The following ARHGAP6 variants were observed in gnomAD, a reference collection of about 807,000 sequenced individuals.
ARHGAP6 encodes rho GTPase-activating protein 6.
ARHGAP6 carries 16 observed loss-of-function variants against 55.7 expected under a neutral mutation model. That is an observed-to-expected ratio of 0.29 (90% CI 0.19 to 0.44). The LOEUF is 0.44. Ranked by LOEUF, ARHGAP6 falls within the 20% of genes least tolerant of loss-of-function variation. ARHGAP6 has a pLI of 1.00. For synonymous variants in ARHGAP6, 382 were observed against 360.9 expected (o/e 1.06, Z -0.66); for missense variants, 698 against 808.9 (o/e 0.86, Z 1.66).
intron 3 of ARHGAP6, among the ~76,000 whole-genome samples, chrX:11,194,329 G>T (rs1465952549): frequency 8.9e-6 from 1 of 112,070 alleles, no homozygotes; most frequent in African/African-American, 3.2e-5. Context: ...GTGACAGAAT[G>T]TGGCCTGGTG....
chrX:11,633,941 C>T (rs2052388243), intron 1 of ARHGAP6, among the ~76,000 whole-genome samples: 1 of 111,449 alleles, frequency 9.0e-6, no homozygotes, highest in African/African-American at 3.3e-5. Context: ...GTACCTGACT[C>T]AGAGTTGTTG....
chrX:11,551,913 C>T (rs1312290270), intron 1 of ARHGAP6, among the ~76,000 whole-genome samples: 1 of 111,900 alleles, frequency 8.9e-6, no homozygotes, highest in African/African-American at 3.3e-5. Flanking sequence ...TTCTAACCTC[C>T]AGAACTGTGG....
At chrX:11,433,254 C>A (rs747642516) in intron 1 of ARHGAP6, among the ~76,000 whole-genome samples, 1 of 111,643 alleles carries the variant, frequency 9.0e-6, no homozygotes, top group Admixed American at 9.5e-5. Context: ...CAATTGGAGT[C>A]GAGAATATGA....
At chrX:11,308,795 G>A (rs970680951) in intron 1 of ARHGAP6, among the ~76,000 whole-genome samples, 6 of 112,193 alleles carry the variant, frequency 5.3e-5, no homozygotes, top group African/African-American at 1.9e-4. Flanking sequence ...AAGCCAATGT[G>A]CATGTTAAAG....
rs778153388 is a variant in ARHGAP6 at position 11,464,612 on chromosome X, T to C, written c.588+199629A>G. Among the ~76,000 whole-genome samples, 5 of 112,576 alleles carry C rather than the reference T, an allele frequency of 4.4e-5. No individual in the cohort carries two copies. In the South Asian group the frequency reaches 1.8e-3, roughly 41 times the overall value. ...CAAGTTCAACTGCAAAGCTAAAGAATGTGCCAATCTCTTCTTTCAAGACTT... is the reference window on the plus strand; with the variant it reads ...CAAGTTCAACTGCAAAGCTAAAGAACGTGCCAATCTCTTCTTTCAAGACTT... On this transcript the variant is annotated intron_variant, in intron 1 of 12. Coordinates refer to ENST00000337414, the MANE Select transcript of ARHGAP6 (RefSeq NM_013427.3).
At chrX:11,523,778 C>A (rs1287117154) in intron 1 of ARHGAP6, among the ~76,000 whole-genome samples, 1 of 110,748 alleles carries the variant, frequency 9.0e-6, no homozygotes. Flanking sequence ...GTAGAACCAG[C>A]AAGTGGAGGG....
At chrX:11,435,654 G>A (rs1376141517) in intron 1 of ARHGAP6, among the ~76,000 whole-genome samples, 1 of 112,117 alleles carries the variant, frequency 8.9e-6, no homozygotes, top group Admixed American at 9.5e-5. Flanking sequence ...GTAGTATGAT[G>A]CAGAAACTGA....
chrX:11,329,714 A>G (rs1434967832), intron 1 of ARHGAP6, among the ~76,000 whole-genome samples: 3 of 112,074 alleles, frequency 2.7e-5, no homozygotes, highest in Non-Finnish European at 5.6e-5. Context: ...AGGTACAGAA[A>G]GGCTTACTAG....
chrX:11,532,513 C>T (rs1195599465), intron 1 of ARHGAP6, among the ~76,000 whole-genome samples: 1 of 112,400 alleles, frequency 8.9e-6, no homozygotes. Flanking sequence ...AAAAAAACTT[C>T]CCATGCAAGA....
intron 1 of ARHGAP6, among the ~76,000 whole-genome samples, chrX:11,388,414 T>A (rs2147734071): frequency 8.9e-6 from 1 of 112,315 alleles, no homozygotes; most frequent in African/African-American, 3.2e-5. Context: ...TGTTTTTTTC[T>A]TGTAAATTTG....
chrX:11,358,483 TTC>T (rs1466694717), intron 1 of ARHGAP6, among the ~76,000 whole-genome samples: 2 of 89,303 alleles, frequency 2.2e-5, no homozygotes, highest in Admixed American at 1.2e-4. Context: ...CTTTCTTTCT[TTC>T]TTTTTTTTTT....
intron 1 of ARHGAP6, among the ~76,000 whole-genome samples, chrX:11,353,284 CCTCT>C (rs1331698064): frequency 7.2e-5 from 8 of 111,726 alleles, no homozygotes; most frequent in African/African-American, 2.6e-4. Context: ...AAAGAATTTC[CCTCT>C]CTAAGTTAGG....
chrX:11,398,262 T>TAA (rs60548732), intron 1 of ARHGAP6, among the ~76,000 whole-genome samples: 205 of 58,775 alleles, frequency 3.5e-3, no homozygotes, highest in African/African-American at 5.4e-3. Context: ...GTAAGTGCTA[T>TAA]AAAAAAAAAA....
intron 1 of ARHGAP6, among the ~76,000 whole-genome samples, chrX:11,416,141 G>A (rs762704933): frequency 3.6e-5 from 4 of 111,205 alleles, no homozygotes; most frequent in East Asian, 5.6e-4. Flanking sequence ...CCCCACCTGC[G>A]GCAGCACAGA....
intron 1 of ARHGAP6, among the ~76,000 whole-genome samples, chrX:11,364,754 C>T (rs1484397799): frequency 2.7e-5 from 3 of 111,561 alleles, no homozygotes; most frequent in Admixed American, 9.5e-5. Context: ...ATTTTATATA[C>T]TGGAGAAAAG....
chrX:11,549,209 C>A (rs1232086894), intron 1 of ARHGAP6, among the ~76,000 whole-genome samples: 1 of 111,633 alleles, frequency 9.0e-6, no homozygotes, highest in Non-Finnish European at 1.9e-5. Flanking sequence ...ATTCTATTAG[C>A]CTTAAGTAAT....
At chrX:11,515,824 C>T (rs937351961) in intron 1 of ARHGAP6, among the ~76,000 whole-genome samples, 1 of 112,390 alleles carries the variant, frequency 8.9e-6, no homozygotes, top group Non-Finnish European at 1.9e-5. Flanking sequence ...CTCAAAACCT[C>T]ACATGATTTA....
chrX:11,589,697 G>C (rs12690142), intron 1 of ARHGAP6, among the ~76,000 whole-genome samples: 1 of 111,407 alleles, frequency 9.0e-6, no homozygotes, highest in African/African-American at 3.3e-5. Flanking sequence ...GGCTGGTTTG[G>C]AGGGGAAAGG....
chrX:11,581,492 T>C (rs185608332), intron 1 of ARHGAP6, among the ~76,000 whole-genome samples: 163 of 112,025 alleles, frequency 1.5e-3, no homozygotes, highest in Non-Finnish European at 2.6e-3. Flanking sequence ...TTATTCCCTA[T>C]AGCCGAAAGG....
Sources: gnomAD v4.1 joint callset for allele counts (sites outside exome capture counted in the v4.1 genomes callset) on GRCh38, gnomAD v4.1.1 for gene constraint, MANE v1.5 for transcripts, NCBI Gene and HGNC (gene_info 2026-07-23, HGNC 2026-07-21) for gene names.